RREB1: variants seen among roughly 807,000 people sequenced by gnomAD.
RREB1 encodes ras responsive element binding protein 1.
In RREB1, 27 loss-of-function variants were observed where a neutral mutation model predicts 117.8. The observed-to-expected ratio is 0.23, with a 90% confidence interval of 0.17 to 0.32. The LOEUF (loss-of-function observed/expected upper bound fraction) is 0.32, where lower values mean the gene tolerates loss of function less well. Ranked by LOEUF, RREB1 falls within the 10% of genes least tolerant of loss-of-function variation. The probability of loss-of-function intolerance (pLI) is 1.00; values close to 1 mark genes in which losing one functional copy is unlikely to be tolerated. For synonymous variants in RREB1, 1,298 were observed against 1,026.7 expected (o/e 1.26, Z -5.05); for missense variants, 2,577 against 2,378.2 (o/e 1.08, Z -1.74).
rs778619002 is a variant in RREB1, at chr6:7,211,738, T to A, written c.707+29T>A. ...GGAGAAAGAGTGAACTAGACCTTGT[T>A]CATTCCTGTTTCTCCTGGCATGTGA... On this transcript the variant is annotated intron_variant, in intron 8 of 12. Coordinates refer to ENST00000379938, the MANE Select transcript of RREB1 (RefSeq NM_001003699.4). The A allele has an allele frequency of 5.8e-5, 93 of 1,611,614 alleles. No individual in the cohort carries two copies. In the East Asian group the frequency reaches 2.1e-3, roughly 36 times the overall value.
chr6:7,226,370 AC>A (rs1767587305), intron 8 of RREB1, 96 bp from the exon 9 acceptor site: 3 of 849,246 alleles, frequency 3.5e-6, no homozygotes, highest in Admixed American at 7.0e-5. Flanking sequence ...AAATGAATCA[AC>A]AAAAACTTAA....
Position 7,231,684 on chromosome 6 carries a change from G to A in RREB1, c.3585G>A (p.Pro1195=), listed in dbSNP as rs772083408. 25 of 1,612,178 alleles carry A rather than the reference G, an allele frequency of 1.6e-5. No homozygotes were observed. Among genetic ancestry groups the A allele is most frequent in the East Asian group, 1.1e-4 (5 of 44,834 alleles). ...CCACAGACACCAACAAGTTCAGTCC[G>A]TTTCTGCAGACAGCGGAGGACAACA... The part of the protein sequence containing the change: ...LATTDTNKFS[P]FLQTAEDNTQ... The change falls in exon 10 of 13, where the codon CCG becomes CCA. Residue 1195 remains proline (P), a synonymous_variant. Transcript: ENST00000379938.
chr6:7,232,289 G>A (rs1768041712), intron 10 of RREB1, among the ~76,000 whole-genome samples: 1 of 152,202 alleles, frequency 6.6e-6, no homozygotes, highest in Non-Finnish European at 1.5e-5. Context: ...TTTGTATTAA[G>A]GTATTGGGGC....
intron 2 of RREB1, among the ~76,000 whole-genome samples, chr6:7,177,435 T>C (rs1581495437): frequency 6.6e-6 from 1 of 151,766 alleles, no homozygotes; most frequent in Non-Finnish European, 1.5e-5. Context: ...GAACACCAGG[T>C]TCATCTGCTT....
At chr6:7,173,491 T>C (rs1368535794) in intron 1 of RREB1, among the ~76,000 whole-genome samples, 1 of 149,208 alleles carries the variant, frequency 6.7e-6, no homozygotes, top group Non-Finnish European at 1.5e-5. Flanking sequence ...AGACTCTGTC[T>C]CAAAAACATG....
chr6:7,135,794 A>G (rs1240296031), intron 1 of RREB1, among the ~76,000 whole-genome samples: 1 of 152,298 alleles, frequency 6.6e-6, no homozygotes, highest in East Asian at 1.9e-4. Context: ...AAGTTGCTCT[A>G]GGGGACTTAG....
chr6:7,127,892 A>G (rs1223070541), intron 1 of RREB1, among the ~76,000 whole-genome samples: 1 of 151,834 alleles, frequency 6.6e-6, no homozygotes, highest in Non-Finnish European at 1.5e-5. Context: ...CACCCCCTTC[A>G]CTGCAGCTGA....
intron 1 of RREB1, among the ~76,000 whole-genome samples, chr6:7,132,246 G>C (rs775312908): frequency 1.3e-5 from 2 of 152,002 alleles, no homozygotes; most frequent in Non-Finnish European, 2.9e-5. Context: ...GTAGAGACAG[G>C]GTTTCATCAT....
intron 8 of RREB1, 55 bp from the exon 9 acceptor site, chr6:7,226,412 G>T: frequency 1.5e-6 from 2 of 1,343,062 alleles, no homozygotes; most frequent in Non-Finnish European, 2.0e-6. Context: ...TGACTTAACT[G>T]CTTCCTCATA....
Position 7,248,598 on chromosome 6 carries a change from C to G in RREB1, c.4859C>G (p.Ala1620Gly). 6.2e-7 allele frequency: 1 copy of G among 1,614,260 alleles called. No homozygotes were observed. The highest frequency in any genetic ancestry group is 8.5e-7 in the Non-Finnish European group (1 of 1,180,048). Residue 1620 changes from alanine (A) to glycine (G), a missense_variant, in exon 13 of 13, where the codon GCC becomes GGC. Coordinates refer to ENST00000379938, the MANE Select transcript of RREB1 (RefSeq NM_001003699.4). ...LVRHQRIHQKARHAKHHGKDS... is the reference protein window; with the variant it reads ...LVRHQRIHQKGRHAKHHGKDS... ...CGCCACCAGCGGATCCACCAGAAAG[C>G]CAGGCATGCCAAACACCACGGGAAG...
intron 4 of RREB1, among the ~76,000 whole-genome samples, chr6:7,182,769 A>G (rs958812045): frequency 1.3e-5 from 2 of 152,176 alleles, no homozygotes; most frequent in Admixed American, 6.5e-5. Context: ...GAGAGTGAAT[A>G]CTTCTCATTT....
At chr6:7,120,731 C>T (rs1027231474) in intron 1 of RREB1, among the ~76,000 whole-genome samples, 12 of 150,952 alleles carry the variant, frequency 7.9e-5, no homozygotes, top group Admixed American at 4.6e-4. Context: ...AGTGCAGCCT[C>T]GACCTCGTGG....
Position 7,247,066 on chromosome 6 carries a change from G to A in RREB1, c.4616G>A (p.Arg1539Lys). 1.9e-6 allele frequency: 3 copies of A among 1,613,658 alleles called. No homozygotes were observed. Among genetic ancestry groups the A allele is most frequent in the Non-Finnish European group, 2.5e-6 (3 of 1,179,928 alleles). Residue 1539 changes from arginine to lysine, a missense_variant, in exon 12 of 13, where the codon AGG becomes AAG. Arg to Lys is a conservative substitution (Grantham distance 26). Transcript: ENST00000379938. The stretch of plus-strand genomic sequence containing the variant: ...GACGGGGAGAGCGCGGCCGAGAAAA[G>A]GTCCTCAGAGAAGAGCGACGATGAC... Reference protein sequence around the residue: ...PSDGESAAEKRSSEKSDDDKK... With the variant: ...PSDGESAAEKKSSEKSDDDKK...
intron 5 of RREB1, among the ~76,000 whole-genome samples, chr6:7,188,276 A>G (rs1287852439): frequency 6.7e-6 from 1 of 148,758 alleles, no homozygotes; most frequent in East Asian, 2.0e-4. Flanking sequence ...TGTGTGACGG[A>G]GTCTCGTTCT....
At chr6:7,176,502 G>A (rs1470924698) in intron 1 of RREB1, among the ~76,000 whole-genome samples, 153 bp from the exon 2 acceptor site, 1 of 152,216 alleles carries the variant, frequency 6.6e-6, no homozygotes, top group Non-Finnish European at 1.5e-5. Flanking sequence ...AACTCTGGAT[G>A]GAATCAGCCT....
chr6:7,158,355 A>G (rs1280750137), intron 1 of RREB1, among the ~76,000 whole-genome samples: 4 of 151,928 alleles, frequency 2.6e-5, no homozygotes, highest in Non-Finnish European at 5.9e-5. Context: ...ATCCCATACC[A>G]TGTTCAAACA....
In RREB1 at chr6:7,189,537, A is replaced by G. The variant is rs374467241; in HGVS notation, c.425+215A>G. On this transcript the variant is annotated intron_variant, in intron 6 of 12. Coordinates refer to ENST00000379938, the MANE Select transcript of RREB1 (RefSeq NM_001003699.4). Reference sequence around the variant, plus strand: ...CTGTGGCCCTTCAGAGTTCCTCAGGATGAAACACAGAGTCATTTCCCCTCT... The same window carrying G: ...CTGTGGCCCTTCAGAGTTCCTCAGGGTGAAACACAGAGTCATTTCCCCTCT... Among the ~76,000 whole-genome samples, 77 of 152,294 alleles carry G rather than the reference A, an allele frequency of 5.1e-4. 1 individual carries two copies. The South Asian group carries it at 7.5e-3, about 15-fold the overall frequency.
intron 1 of RREB1, among the ~76,000 whole-genome samples, chr6:7,141,110 G>T (rs1197081693): frequency 6.6e-6 from 1 of 152,322 alleles, no homozygotes; most frequent in East Asian, 1.9e-4. Flanking sequence ...CCGCGTCAGG[G>T]CTCCACGGCC....
chr6:7,162,224 C>T (rs530486399), intron 1 of RREB1, among the ~76,000 whole-genome samples: 1 of 152,066 alleles, frequency 6.6e-6, no homozygotes, highest in East Asian at 1.9e-4. Context: ...AAAAAATGAT[C>T]TCTACCATCT....
Sources: gnomAD v4.1 joint callset for allele counts (sites outside exome capture counted in the v4.1 genomes callset) on GRCh38, gnomAD v4.1.1 for gene constraint, MANE v1.5 for transcripts, NCBI Gene and HGNC (gene_info 2026-07-23, HGNC 2026-07-21) for gene names.